Variants in VRK3 observed in about 807,000 individuals in gnomAD.
VRK3 encodes the protein VRK serine/threonine kinase 3.
VRK3 carries 50 observed loss-of-function variants against 60.4 expected under a neutral mutation model. The observed-to-expected ratio is 0.83, with a 90% CI of 0.66 to 1.05. VRK3 has a LOEUF of 1.05. VRK3 is among the 50% of genes least tolerant of loss of function. The pLI is 0.00. For synonymous variants in VRK3, 246 were observed against 227.8 expected (o/e 1.08, Z -0.72); for missense variants, 549 against 585.3 (o/e 0.94, Z 0.64).
chr19:50,009,435 C>T (rs563841785), intron 3 of VRK3, 50 bp from the exon 4 acceptor site: 4 of 1,602,836 alleles, frequency 2.5e-6, no homozygotes, highest in African/African-American at 1.3e-5. Flanking sequence ...GGCCCCTCTG[C>T]AGGCACCATT....
intron 9 of VRK3, 117 bp downstream of exon 9, chr19:49,994,697 C>T: frequency 3.2e-6 from 3 of 923,248 alleles, no homozygotes; most frequent in African/African-American, 1.7e-5. Context: ...TGAGCCAGCC[C>T]CCAGTGTGCA....
chr19:50,019,572 T>C (rs775470859), intron 2 of VRK3, among the ~76,000 whole-genome samples: 22 of 150,268 alleles, frequency 1.5e-4, no homozygotes, highest in Non-Finnish European at 3.1e-4. Flanking sequence ...TGCAATGGCA[T>C]GATCATGGCT....
At chr19:49,991,472 T>G (rs999226737) in intron 10 of VRK3, among the ~76,000 whole-genome samples, 2 of 152,188 alleles carry the variant, frequency 1.3e-5, no homozygotes, top group Non-Finnish European at 2.9e-5. Flanking sequence ...ATCTCAGGAC[T>G]GCTTAGCTTC....
At chr19:49,994,996 T>TG in intron 8 of VRK3, 77 bp from the exon 9 acceptor site, 1 of 1,411,124 alleles carries the variant, frequency 7.1e-7, no homozygotes, top group African/African-American at 1.4e-5. Context: ...GATGGACTGT[T>TG]GCGTGGGCTG....
At chr19:49,980,085 T>C (rs889508470) in intron 13 of VRK3, among the ~76,000 whole-genome samples, 1 of 151,700 alleles carries the variant, frequency 6.6e-6, no homozygotes, top group African/African-American at 2.4e-5. Context: ...AAAAAATAAA[T>C]AATTAAAAAA....
At position 50,015,314 on chromosome 19, in the gene VRK3, A is replaced by AAT. The variant is rs1555853055; in HGVS notation, c.139+709_139+710insAT. Among the ~76,000 whole-genome samples, 92 of 144,990 alleles carry AAT rather than the reference A, an allele frequency of 6.3e-4. 1 individual carries two copies. Among genetic ancestry groups the AAT allele is most frequent in the African/African-American group, 2.4e-3 (92 of 38,132 alleles). On this transcript the variant is annotated intron_variant, in intron 3 of 14. Transcript: ENST00000316763. ...TTCACTGGACTACTGTGGATTTCAG[A>AAT]TTTTTTTTTTTTGACATCGAGTCTC...
rs774654658 is a variant in VRK3 at position 49,979,117 on chromosome 19, T to C, written c.1402A>G (p.Ile468Val). The C allele has an allele frequency of 1.6e-5, 26 of 1,612,308 alleles. No individual in the cohort carries two copies. In the Middle Eastern group the frequency reaches 4.9e-4, roughly 31 times the overall value. ...QDLRVSPYDP[I>V]GLPMVP The stretch of plus-strand genomic sequence containing the variant: ...ACCTAGGGCACCATCGGGAGGCCAA[T>C]GGGGTCATATGGAGACACACGCAGA... The change falls in exon 14 of 15, where the codon ATT (isoleucine) becomes GTT (valine). Residue 468 changes from isoleucine (I) to valine (V), a missense_variant. Ile to Val is a conservative substitution (Grantham distance 29). Coordinates refer to ENST00000316763, the MANE Select transcript of VRK3 (RefSeq NM_016440.4).
intron 5 of VRK3, among the ~76,000 whole-genome samples, chr19:50,003,745 T>C (rs1314001852): frequency 1.3e-5 from 2 of 152,234 alleles, no homozygotes; most frequent in Non-Finnish European, 2.9e-5. Flanking sequence ...TGGTGCAAAC[T>C]GGCAGAAGAA....
intron 5 of VRK3, among the ~76,000 whole-genome samples, chr19:50,006,227 T>G (rs898441009): frequency 2.0e-5 from 3 of 151,400 alleles, no homozygotes; most frequent in Non-Finnish European, 4.4e-5. Flanking sequence ...GGAGAATCGC[T>G]TGAACCTAGG....
chr19:50,015,618 A>G, intron 3 of VRK3: 1 of 173,264 alleles, frequency 5.8e-6, no homozygotes, highest in Non-Finnish European at 1.3e-5. Flanking sequence ...CAGATTTCAG[A>G]TTTTTGAATC....
chr19:50,010,559 C>G (rs557309998), intron 3 of VRK3, among the ~76,000 whole-genome samples: 1 of 152,320 alleles, frequency 6.6e-6, no homozygotes, highest in South Asian at 2.1e-4. Context: ...TTTGGGGGAC[C>G]ACACAGATCA....
intron 11 of VRK3, among the ~76,000 whole-genome samples, 182 bp from the exon 12 acceptor site, chr19:49,988,674 TTCTC>T (rs780904083): frequency 1.1e-4 from 16 of 150,142 alleles, no homozygotes; most frequent in Non-Finnish European, 2.2e-4. Flanking sequence ...AGCTGACTCA[TTCTC>T]TCTCTCACTC....
At chr19:49,996,092 T>C (rs1418454117) in intron 7 of VRK3, among the ~76,000 whole-genome samples, 1 of 152,122 alleles carries the variant, frequency 6.6e-6, no homozygotes, top group Non-Finnish European at 1.5e-5. Context: ...CAACTAATTT[T>C]TGTATTTTTA....
chr19:49,998,732 AG>A (rs2076747572), intron 6 of VRK3: 1 of 152,048 alleles, frequency 6.6e-6, no homozygotes, highest in African/African-American at 2.4e-5. Flanking sequence ...TCTGTTAAAT[AG>A]GAACATGGAA....
chr19:49,997,345 T>C, intron 7 of VRK3, 159 bp downstream of exon 7: 1 of 692,352 alleles, frequency 1.4e-6, no homozygotes, highest in Non-Finnish European at 2.4e-6. Flanking sequence ...CACTGAGGCC[T>C]GAGGGGTCAC....
rs972224243 is a variant in VRK3 at position 49,989,689 on chromosome 19, G to A, written c.1046C>T (p.Pro349Leu). 5 of 1,613,714 alleles carry A rather than the reference G, an allele frequency of 3.1e-6. No individual in the cohort carries two copies. In the African/African-American group the frequency reaches 6.7e-5, roughly 22 times the overall value. ...AATGAACTCAAGGTCCCCCTCGTGA[G>A]GGCTCCTGCTGCCTTCCACGTAGGC... ...HVAYVEGSRS[P>L]HEGDLEFISM... Residue 349 changes from proline to leucine, a missense_variant, in exon 11 of 15, where the codon CCT becomes CTT. By Grantham distance (98) the Pro-to-Leu change is moderately conservative. Transcript: ENST00000316763.
chr19:50,016,181 C>A lies in VRK3; in HGVS notation c.-1-18G>T. 1 of 1,613,458 alleles carries A rather than the reference C, an allele frequency of 6.2e-7. No homozygotes were observed. The highest frequency in any genetic ancestry group is 8.5e-7 in the Non-Finnish European group (1 of 1,179,916). Reference sequence around the variant, plus strand: ...AGATCATGCTACAAAACAGAATGAACAAACACAAAGTGAAACGGGCCAGCT... The same window carrying A: ...AGATCATGCTACAAAACAGAATGAAAAAACACAAAGTGAAACGGGCCAGCT... On this transcript the variant is annotated intron_variant, in intron 2 of 14. Coordinates refer to ENST00000316763, the MANE Select transcript of VRK3 (RefSeq NM_016440.4).
intron 5 of VRK3, among the ~76,000 whole-genome samples, chr19:50,002,603 T>A (rs1469405583): frequency 2.0e-5 from 3 of 152,206 alleles, no homozygotes; most frequent in East Asian, 3.9e-4. Flanking sequence ...TAATCTGCTT[T>A]GCAGATTATA....
At chr19:49,987,169 G>A (rs1940548953) in intron 12 of VRK3, among the ~76,000 whole-genome samples, 4 of 152,180 alleles carry the variant, frequency 2.6e-5, no homozygotes, top group Non-Finnish European at 5.9e-5. Flanking sequence ...CACCGTGCCC[G>A]GCCTGGGCAA....
Sources: allele counts gnomAD v4.1 joint callset (sites outside exome capture counted in the v4.1 genomes callset), GRCh38; gene constraint gnomAD v4.1.1; transcripts MANE v1.5; gene names NCBI Gene and HGNC (gene_info 2026-07-23, HGNC 2026-07-21).